SCFD2: variants seen among roughly 807,000 people sequenced by gnomAD.
The protein encoded by SCFD2 is sec1 family domain-containing protein 2.
Under a neutral mutation model 58.9 loss-of-function variants are expected in SCFD2, and 54 were observed. The ratio of observed to expected loss-of-function variants is 0.92; its 90% CI spans 0.74 to 1.15. The LOEUF (loss-of-function observed/expected upper bound fraction) is 1.15. Ranked by LOEUF, SCFD2 falls within the 50% of genes most tolerant of loss-of-function variation. SCFD2 has a pLI of 0.00. For missense variants in SCFD2, 805 were observed against 836.6 expected (o/e 0.96, Z 0.47); for synonymous variants, 321 against 335.9 (o/e 0.96, Z 0.49).
chr4:53,080,536 C>T (rs557956844), intron 5 of SCFD2, among the ~76,000 whole-genome samples: 3 of 152,164 alleles, frequency 2.0e-5, no homozygotes, highest in Non-Finnish European at 4.4e-5. Context: ...ACAGGTTCCA[C>T]TTACTCCTTA....
chr4:53,206,262 C>G (rs1390067272), intron 4 of SCFD2, among the ~76,000 whole-genome samples: 2 of 152,118 alleles, frequency 1.3e-5, no homozygotes, highest in Middle Eastern at 3.2e-3. Context: ...GTGTGTAGTG[C>G]TGTTGCCTCC....
intron 4 of SCFD2, among the ~76,000 whole-genome samples, chr4:53,243,800 A>G (rs1227425153): frequency 6.6e-6 from 1 of 152,210 alleles, no homozygotes; most frequent in Non-Finnish European, 1.5e-5. Context: ...ATGGAGAAAA[A>G]TCTACCAAGC....
chr4:53,186,210 G>C (rs1727732137), intron 4 of SCFD2, among the ~76,000 whole-genome samples: 1 of 151,950 alleles, frequency 6.6e-6, no homozygotes, highest in African/African-American at 2.4e-5. Flanking sequence ...TTCAAGATCT[G>C]GTTTAAATTT....
At chr4:53,089,057 G>C (rs1349276818) in intron 5 of SCFD2, among the ~76,000 whole-genome samples, 1 of 152,094 alleles carries the variant, frequency 6.6e-6, no homozygotes, top group Non-Finnish European at 1.5e-5. Context: ...GAACCTGGAA[G>C]AAGGCCCTCA....
intron 5 of SCFD2, among the ~76,000 whole-genome samples, chr4:53,023,681 A>C (rs996741724): frequency 1.3e-5 from 2 of 152,082 alleles, no homozygotes; most frequent in African/African-American, 4.8e-5. Flanking sequence ...CACGTTTTCT[A>C]TTCTCTTTTG....
In SCFD2 at chr4:53,197,744, T is replaced by C. The variant is rs1391183209; in HGVS notation, c.1312-52162A>G. Among the ~76,000 whole-genome samples the C allele has an allele frequency of 6.2e-5, 4 of 64,832 alleles. No homozygotes were observed. In the East Asian group the frequency reaches 1.5e-3, roughly 24 times the overall value. 42.5% of individuals were successfully genotyped at this position (64,832 alleles called of 152,430 possible). On this transcript the variant is annotated intron_variant, in intron 4 of 8. Transcript: ENST00000401642. ...TTATTGTAAATATGACATTAGAAGA[T>C]GGCAAAAAAAAAAAAAAAAAAAAGA... is the stretch of plus-strand genomic sequence containing the variant.
intron 5 of SCFD2, among the ~76,000 whole-genome samples, chr4:52,959,080 T>C (rs1483181043): frequency 6.6e-6 from 1 of 152,184 alleles, no homozygotes; most frequent in Non-Finnish European, 1.5e-5. Flanking sequence ...GTGGTCACGT[T>C]GGCATTTGAA....
chr4:53,271,357 A>C (rs1197209157), intron 4 of SCFD2, among the ~76,000 whole-genome samples: 2 of 151,826 alleles, frequency 1.3e-5, no homozygotes, highest in Non-Finnish European at 2.9e-5. Context: ...AGCCTAACTA[A>C]ACATCAGTAT....
chr4:53,281,814 C>T (rs1731519308), intron 3 of SCFD2, among the ~76,000 whole-genome samples: 1 of 152,098 alleles, frequency 6.6e-6, no homozygotes, highest in Non-Finnish European at 1.5e-5. Flanking sequence ...TATAGCTGTC[C>T]ATATTCTTAG....
At chr4:53,128,411 T>G (rs1725695817) in intron 5 of SCFD2, among the ~76,000 whole-genome samples, 1 of 152,184 alleles carries the variant, frequency 6.6e-6, no homozygotes, top group South Asian at 2.1e-4. Context: ...TCTCTAAAAT[T>G]AAAGGCATGT....
chr4:52,880,490 G>A (rs888593014), intron 8 of SCFD2, among the ~76,000 whole-genome samples: 5 of 151,348 alleles, frequency 3.3e-5, no homozygotes, highest in Non-Finnish European at 5.9e-5. Context: ...GGTGGTGGGC[G>A]CCTGTAATCC....
chr4:53,256,128 C>T (rs1342988303), intron 4 of SCFD2, among the ~76,000 whole-genome samples: 44 of 150,564 alleles, frequency 2.9e-4, no homozygotes, highest in South Asian at 1.9e-3. Context: ...ACTTCCCAGA[C>T]GGGGTGGCTG....
At chr4:53,199,847 T>C (rs971630448) in intron 4 of SCFD2, among the ~76,000 whole-genome samples, 1 of 152,082 alleles carries the variant, frequency 6.6e-6, no homozygotes, top group East Asian at 1.9e-4. Flanking sequence ...GGTGTCAGTA[T>C]GACCAGGTTC....
At position 53,332,672 on chromosome 4, in the gene SCFD2, T is replaced by C. The variant is rs71626293; in HGVS notation, c.1008-18909A>G. On this transcript the variant is annotated intron_variant, in intron 2 of 8. Coordinates refer to ENST00000401642, the MANE Select transcript of SCFD2 (RefSeq NM_152540.4). ...AATGGGCAAAAACTGGAAGCATTCCTTTTGAAAACTGGCACAAGACAGGGA... is the reference window on the plus strand; with the variant it reads ...AATGGGCAAAAACTGGAAGCATTCCCTTTGAAAACTGGCACAAGACAGGGA... Among the ~76,000 whole-genome samples the C allele has an allele frequency of 4.4e-3, 670 of 152,090 alleles. 2 individuals carry two copies. The highest frequency in any genetic ancestry group is 0.015 in the African/African-American group (635 of 41,454).
chr4:53,219,544 C>G (rs1376979423), intron 4 of SCFD2, among the ~76,000 whole-genome samples: 1 of 152,136 alleles, frequency 6.6e-6, no homozygotes. Context: ...CACTGCTTTC[C>G]ATGTCTAGGA....
At chr4:52,996,488 A>G (rs1209247424) in intron 5 of SCFD2, among the ~76,000 whole-genome samples, 1 of 152,252 alleles carries the variant, frequency 6.6e-6, no homozygotes, top group African/African-American at 2.4e-5. Flanking sequence ...GCGTCATGGC[A>G]TCATCACATA....
chr4:53,167,116 G>A (rs935370921), intron 4 of SCFD2, among the ~76,000 whole-genome samples: 3 of 151,990 alleles, frequency 2.0e-5, no homozygotes, highest in Non-Finnish European at 2.9e-5. Context: ...TTTCTTTACC[G>A]GACAATTCCT....
chr4:53,006,492 A>G (rs1721973682), intron 5 of SCFD2, among the ~76,000 whole-genome samples: 1 of 152,216 alleles, frequency 6.6e-6, no homozygotes, highest in Non-Finnish European at 1.5e-5. Context: ...TTAGAAGCAA[A>G]CTGCTTTAAG....
In SCFD2 at chr4:52,906,118, C is replaced by T. The variant is rs536709025; in HGVS notation, c.1842+1339G>A. 1.9e-4 allele frequency among the ~76,000 whole-genome samples: 29 copies of T among 152,296 alleles called. No homozygotes were observed. The South Asian group carries it at 5.8e-3, about 30-fold the overall frequency. ...GAGCAGAGTTAGGGCCTCCTGTCAC[C>T]TACACTGCAACTCTCCAAGGGCAGG... On this transcript the variant is annotated intron_variant, in intron 7 of 8. Transcript: ENST00000401642.
Sources: allele counts gnomAD v4.1 joint callset (sites outside exome capture counted in the v4.1 genomes callset), GRCh38; gene constraint gnomAD v4.1.1; transcripts MANE v1.5; gene names NCBI Gene and HGNC (gene_info 2026-07-23, HGNC 2026-07-21).